The following TMEM41B variants were observed in gnomAD, a reference collection of about 807,000 sequenced individuals.
TMEM41B encodes protein stasimon.
TMEM41B carries 18 observed loss-of-function variants against 31.9 expected under a neutral mutation model. That is an observed-to-expected ratio of 0.56 (90% confidence interval 0.39 to 0.84). TMEM41B has a LOEUF of 0.84. Ranked by LOEUF, TMEM41B falls within the 40% of genes least tolerant of loss-of-function variation. The pLI is 0.00. For synonymous variants in TMEM41B, 144 were observed against 124.3 expected (o/e 1.16, Z -1.05); for missense variants, 322 against 348.0 (o/e 0.93, Z 0.59).
chr11:9,287,439 T>G (rs796860632), intron 5 of TMEM41B, among the ~76,000 whole-genome samples: 64 of 152,370 alleles, frequency 4.2e-4, no homozygotes, highest in African/African-American at 1.5e-3. Context: ...ATATTCACAC[T>G]GACTTCTCTG....
chr11:9,313,076 G>T (rs1853601502), intron 1 of TMEM41B, among the ~76,000 whole-genome samples: 1 of 152,092 alleles, frequency 6.6e-6, no homozygotes, highest in Admixed American at 6.6e-5. Flanking sequence ...CAATTTTTAG[G>T]GATGCCCTAT....
chr11:9,285,340 A>AC (rs1227302688), intron 6 of TMEM41B, among the ~76,000 whole-genome samples: 12 of 152,044 alleles, frequency 7.9e-5, no homozygotes, highest in South Asian at 2.1e-4. Context: ...GCCTTGGCCT[A>AC]CCAAAGTGCT....
rs1356629556 is a variant in TMEM41B at position 9,283,280 on chromosome 11, G to GT, written c.*143dup. 3.1e-6 allele frequency: 2 copies of GT among 644,330 alleles called. No individual in the cohort carries two copies. Among genetic ancestry groups the GT allele is most frequent in the Non-Finnish European group, 5.1e-6 (2 of 392,506 alleles). The allele number at this position is 644,330 out of a possible 1,614,324, so 39.9% of individuals were successfully genotyped here. A position where few individuals can be genotyped will look rare whatever the true frequency, so the allele number is the denominator to read the frequency against. ...TTTCTTCTCCCCTTGTCACTTAAAT[G>GT]TATTACTTTAACTATCTGATAGGAA... On this transcript the variant is annotated 3_prime_UTR_variant, in exon 7 of 7. Coordinates refer to ENST00000528080, the MANE Select transcript of TMEM41B (RefSeq NM_015012.4).
At chr11:9,295,148 C>T in intron 3 of TMEM41B, 111 bp downstream of exon 3, 1 of 1,148,582 alleles carries the variant, frequency 8.7e-7, no homozygotes, top group Non-Finnish European at 1.1e-6. Flanking sequence ...AATATTGTCA[C>T]ACTGCAATAA....
chr11:9,313,818 A>C (rs1179000924), intron 1 of TMEM41B, among the ~76,000 whole-genome samples: 2 of 152,250 alleles, frequency 1.3e-5, no homozygotes, highest in Non-Finnish European at 2.9e-5. Context: ...TTTTTTTGAA[A>C]GTTACCAAGT....
At chr11:9,312,591 A>T (rs1853587141) in intron 1 of TMEM41B, among the ~76,000 whole-genome samples, 1 of 152,118 alleles carries the variant, frequency 6.6e-6, no homozygotes, top group Non-Finnish European at 1.5e-5. Flanking sequence ...TGATCTATAG[A>T]TGTCATGGGA....
At chr11:9,285,825 A>G (rs116409507) in intron 6 of TMEM41B, among the ~76,000 whole-genome samples, 2,805 of 152,082 alleles carry the variant, frequency 0.018, 84 homozygotes, top group African/African-American at 0.064. Context: ...AAAAAAAAAA[A>G]AAAAGAAAGG....
Position 9,283,404 on chromosome 11 carries a change from T to C in TMEM41B, c.*20A>G. ...CCTGAGATGGTGATGACAGCAAAACTAAAAATCAGATGATTATTTTTACTC... is the reference window on the plus strand; with the variant it reads ...CCTGAGATGGTGATGACAGCAAAACCAAAAATCAGATGATTATTTTTACTC... On this transcript the variant is annotated 3_prime_UTR_variant, in exon 7 of 7. Transcript: ENST00000528080. 1.9e-6 allele frequency: 3 copies of C among 1,594,930 alleles called. No homozygotes were observed. The highest frequency in any genetic ancestry group is 2.6e-6 in the Non-Finnish European group (3 of 1,170,476).
chr11:9,296,584 G>C (rs1853092032), intron 2 of TMEM41B, among the ~76,000 whole-genome samples: 1 of 144,700 alleles, frequency 6.9e-6, no homozygotes, highest in Non-Finnish European at 1.5e-5. Flanking sequence ...CTCCAGCCTG[G>C]GCAACAGAGA....
In TMEM41B at chr11:9,283,390, G is replaced by A. The variant is rs753476492; in HGVS notation, c.*34C>T. On this transcript the variant is annotated 3_prime_UTR_variant, in exon 7 of 7. Coordinates refer to ENST00000528080, the MANE Select transcript of TMEM41B (RefSeq NM_015012.4). ...ATGCACCTGTTAATCCTGAGATGGTGATGACAGCAAAACTAAAAATCAGAT... is the reference window on the plus strand; with the variant it reads ...ATGCACCTGTTAATCCTGAGATGGTAATGACAGCAAAACTAAAAATCAGAT... 1.3e-6 allele frequency: 2 copies of A among 1,551,816 alleles called. No individual in the cohort carries two copies. The highest frequency in any genetic ancestry group is 1.8e-6 in the Non-Finnish European group (2 of 1,138,368).
At chr11:9,294,494 A>G (rs1447316485) in intron 3 of TMEM41B, among the ~76,000 whole-genome samples, 3 of 105,558 alleles carry the variant, frequency 2.8e-5, no homozygotes, top group Non-Finnish European at 4.3e-5. Flanking sequence ...ATCTCAAAAA[A>G]AAAAAAAAAA....
intron 1 of TMEM41B, 65 bp from the exon 2 acceptor site, chr11:9,299,766 T>G: frequency 1.7e-6 from 2 of 1,148,196 alleles, no homozygotes; most frequent in Non-Finnish European, 2.6e-6. Flanking sequence ...AAATAATTTC[T>G]GTACATGCTT....
Position 9,287,696 on chromosome 11 carries a change from G to A in TMEM41B, c.567+6C>T. 6.3e-7 allele frequency: 1 copy of A among 1,587,718 alleles called. No individual in the cohort carries two copies. The highest frequency in any genetic ancestry group is 8.6e-7 in the Non-Finnish European group (1 of 1,162,812). The stretch of plus-strand genomic sequence containing the variant: ...TACATCAAATAATTTAAAAATACAT[G>A]TTTACCTGCTGTGACCATTTTACTG... On this transcript the variant is annotated splice_donor_region_variant and intron_variant, in intron 5 of 6. Coordinates refer to ENST00000528080, the MANE Select transcript of TMEM41B (RefSeq NM_015012.4).
At chr11:9,298,147 T>C (rs1564964043) in intron 2 of TMEM41B, among the ~76,000 whole-genome samples, 1 of 151,244 alleles carries the variant, frequency 6.6e-6, no homozygotes, top group South Asian at 2.1e-4. Context: ...GGTTCCTACT[T>C]ATGAAATTTA....
intron 3 of TMEM41B, among the ~76,000 whole-genome samples, chr11:9,293,490 T>C (rs1420104063): frequency 1.3e-5 from 2 of 152,216 alleles, no homozygotes; most frequent in Non-Finnish European, 2.9e-5. Flanking sequence ...CACAGCATAT[T>C]TGTGTACTAT....
rs1852738450 is a variant in TMEM41B, at chr11:9,282,438, A to AT, written c.*985dup. ...TACAGTTATGTAATACCCATTTTGC[A>AT]TATGCACAGTGGAAATACTGTAAAA... On this transcript the variant is annotated 3_prime_UTR_variant, in exon 7 of 7. Transcript: ENST00000528080. The AT allele has an allele frequency of 6.6e-6, 1 of 152,138 alleles. No homozygotes were observed. Among genetic ancestry groups the AT allele is most frequent in the Admixed American group, 6.6e-5 (1 of 15,260 alleles). The allele number at this position is 152,138 out of a possible 1,614,324, so 9.4% of individuals were successfully genotyped here. A position where few individuals can be genotyped will look rare whatever the true frequency, so the allele number is the denominator to read the frequency against.
intron 3 of TMEM41B, among the ~76,000 whole-genome samples, chr11:9,289,346 C>T (rs909894538): frequency 2.6e-5 from 4 of 151,080 alleles, no homozygotes; most frequent in African/African-American, 4.9e-5. Context: ...ACTTTCCTGT[C>T]GTTCCCAGTT....
chr11:9,303,470 T>A (rs1853304628), intron 1 of TMEM41B, among the ~76,000 whole-genome samples: 1 of 152,054 alleles, frequency 6.6e-6, no homozygotes, highest in Non-Finnish European at 1.5e-5. Flanking sequence ...GTTTATAATT[T>A]ACCTGTAATT....
At chr11:9,311,162 G>T in intron 1 of TMEM41B, 3 of 1,174,932 alleles carry the variant, frequency 2.6e-6, no homozygotes, top group South Asian at 1.4e-5. Context: ...GTGAAGCTCA[G>T]GCGGGGGTAG....
Sources: gnomAD v4.1 joint callset for allele counts (sites outside exome capture counted in the v4.1 genomes callset) on GRCh38, gnomAD v4.1.1 for gene constraint, MANE v1.5 for transcripts, NCBI Gene and HGNC (gene_info 2026-07-23, HGNC 2026-07-21) for gene names.